The following AKAP6 variants were observed in gnomAD, a reference collection of about 807,000 sequenced individuals.
The protein encoded by AKAP6 is A-kinase anchor protein 6.
AKAP6 carries 58 observed loss-of-function variants against 188.5 expected under a neutral mutation model. The observed-to-expected ratio is 0.31, with a 90% CI of 0.25 to 0.38. The LOEUF (loss-of-function observed/expected upper bound fraction) is 0.38, where lower values mean the gene tolerates loss of function less well. AKAP6 is among the 10% of genes least tolerant of loss of function. The probability of loss-of-function intolerance (pLI) is 1.00; values close to 1 mark genes in which losing one functional copy is unlikely to be tolerated. For missense variants in AKAP6, 2,710 were observed against 2,740.0 expected (o/e 0.99, Z 0.24); for synonymous variants, 989 against 998.6 (o/e 0.99, Z 0.18).
At chr14:32,734,480 A>G (rs1324147475) in intron 10 of AKAP6, 1 of 152,162 alleles carries the variant, frequency 6.6e-6, no homozygotes, top group Non-Finnish European at 1.5e-5. Flanking sequence ...ATTGTGAATT[A>G]AATGAAATTG....
intron 12 of AKAP6, among the ~76,000 whole-genome samples, chr14:32,788,057 AAAAAAG>A (rs1162864566): frequency 1.3e-5 from 2 of 151,788 alleles, no homozygotes; most frequent in African/African-American, 4.8e-5. Context: ...AAAAAAAAAA[AAAAAAG>A]AAGGTGGGAA....
At chr14:32,347,011 C>T (rs1887090526) in intron 1 of AKAP6, among the ~76,000 whole-genome samples, 1 of 152,152 alleles carries the variant, frequency 6.6e-6, no homozygotes, top group South Asian at 2.1e-4. Flanking sequence ...GCAAAGCAGG[C>T]ACAAAATATT....
chr14:32,545,238 T>G lies in AKAP6; in HGVS notation c.585T>G (p.Leu195=), dbSNP rs1184896381. The G allele has an allele frequency of 2.5e-6, 4 of 1,611,628 alleles. No individual in the cohort carries two copies. Among genetic ancestry groups the G allele is most frequent in the African/African-American group, 2.7e-5 (2 of 75,014 alleles). ...AFSEETKEGR[L]DSLTEVDDSG... The stretch of plus-strand genomic sequence containing the variant: ...GCCATTGTCTGTTTCAGGGCCGGCT[T>G]GATTCTCTAACAGAAGTGGATGACT... The change falls in exon 4 of 14, where the codon CTT becomes CTG. Residue 195 remains leucine, a synonymous_variant. Coordinates refer to ENST00000280979, the MANE Select transcript of AKAP6 (RefSeq NM_004274.5).
At chr14:32,652,719 A>G (rs1328833791) in intron 7 of AKAP6, among the ~76,000 whole-genome samples, 1 of 152,010 alleles carries the variant, frequency 6.6e-6, no homozygotes, top group Non-Finnish European at 1.5e-5. Flanking sequence ...CTGAGTTGCT[A>G]TTTTCTTCCC....
chr14:32,704,496 A>G (rs1289916854), intron 9 of AKAP6, among the ~76,000 whole-genome samples: 1 of 152,156 alleles, frequency 6.6e-6, no homozygotes, highest in Non-Finnish European at 1.5e-5. Context: ...AACTATGTAT[A>G]TGTTTCAGGT....
intron 9 of AKAP6, chr14:32,726,337 T>A (rs972613662): frequency 6.0e-5 from 24 of 397,004 alleles, no homozygotes; most frequent in Non-Finnish European, 2.7e-5. Flanking sequence ...GGTTGCTTGG[T>A]TGAAACTAAT....
intron 7 of AKAP6, among the ~76,000 whole-genome samples, chr14:32,673,001 G>T (rs1889277853): frequency 6.6e-6 from 1 of 152,122 alleles, no homozygotes; most frequent in African/African-American, 2.4e-5. Flanking sequence ...TTCTAACCTG[G>T]CATCCTCCAT....
chr14:32,366,079 C>T (rs1405374006), intron 1 of AKAP6, among the ~76,000 whole-genome samples: 1 of 152,094 alleles, frequency 6.6e-6, no homozygotes, highest in Admixed American at 6.5e-5. Flanking sequence ...ATAAGCAAAA[C>T]CACACACATT....
intron 1 of AKAP6, among the ~76,000 whole-genome samples, chr14:32,411,464 C>A (rs1212989748): frequency 6.6e-6 from 1 of 152,156 alleles, no homozygotes; most frequent in African/African-American, 2.4e-5. Context: ...CTGCCTTCAA[C>A]ATTGGTATCC....
intron 1 of AKAP6, among the ~76,000 whole-genome samples, chr14:32,410,152 T>TCC (rs398070462): frequency 7.5e-5 from 11 of 146,608 alleles, no homozygotes; most frequent in South Asian, 6.5e-4. Flanking sequence ...CTTCCCCTCC[T>TCC]TTTTTTTTCT....
intron 8 of AKAP6, among the ~76,000 whole-genome samples, chr14:32,689,897 A>G (rs1890097985): frequency 1.3e-5 from 2 of 152,232 alleles, no homozygotes; most frequent in South Asian, 4.1e-4. Flanking sequence ...TGAACAGCGA[A>G]CACTTAGTGA....
chr14:32,678,303 C>G lies in AKAP6; in HGVS notation c.2731-8C>G, dbSNP rs1316417948. On this transcript the variant is annotated splice_polypyrimidine_tract_variant and splice_region_variant and intron_variant, in intron 7 of 13. Transcript: ENST00000280979. The stretch of plus-strand genomic sequence containing the variant: ...AAAACAGCAATTTCTCTTTGTTTCT[C>G]TTTCCAGGCTGAGGTTCAACTATGC... 1 of 1,603,752 alleles carries G rather than the reference C, an allele frequency of 6.2e-7. No individual in the cohort carries two copies. Among genetic ancestry groups the G allele is most frequent in the Non-Finnish European group, 8.5e-7 (1 of 1,172,470 alleles).
intron 9 of AKAP6, among the ~76,000 whole-genome samples, chr14:32,709,369 T>G (rs1359297121): frequency 2.0e-5 from 3 of 152,078 alleles, no homozygotes; most frequent in East Asian, 3.9e-4. Context: ...CTGTCCACAC[T>G]GCTGCTCAGA....
intron 7 of AKAP6, among the ~76,000 whole-genome samples, chr14:32,624,061 TCTAA>T (rs1164515178): frequency 2.0e-5 from 3 of 152,096 alleles, no homozygotes; most frequent in East Asian, 3.9e-4. Context: ...TGGCCTCCTA[TCTAA>T]CTATTATGAT....
chr14:32,786,296 A>ATGTTTTTTTTTTTTTG lies in AKAP6; in HGVS notation c.3588+12404_3588+12405insGTTTTTTTTTTTTTGT. ...AGCCCTCTGAAAGACCTAAACCTTT[A>ATGTTTTTTTTTTTTTG]TCTTTTTTTTTTTTTTTTTTTTTTT... On this transcript the variant is annotated intron_variant, in intron 12 of 13. Transcript: ENST00000280979. 9.1e-4 allele frequency among the ~76,000 whole-genome samples: 85 copies of ATGTTTTTTTTTTTTTG among 93,706 alleles called. 4 individuals are homozygous for ATGTTTTTTTTTTTTTG. Among genetic ancestry groups the ATGTTTTTTTTTTTTTG allele is most frequent in the African/African-American group, 1.6e-3 (39 of 24,388 alleles). The allele number at this position is 93,706 out of a possible 152,430, so 61.5% of individuals were successfully genotyped here. A position where few individuals can be genotyped will look rare whatever the true frequency, so the allele number is the denominator to read the frequency against.
chr14:32,732,389 T>G (rs2031216360), intron 9 of AKAP6, 65 bp from the exon 10 acceptor site: 5 of 1,530,308 alleles, frequency 3.3e-6, no homozygotes, highest in Non-Finnish European at 4.4e-6. Context: ...ACAAATTCTG[T>G]GTTCAATGAT....
At chr14:32,696,493 G>T (rs553001614) in intron 9 of AKAP6, among the ~76,000 whole-genome samples, 1 of 152,312 alleles carries the variant, frequency 6.6e-6, no homozygotes, top group South Asian at 2.1e-4. Flanking sequence ...CTACCCCTCA[G>T]ATCTTCCCAG....
intron 2 of AKAP6, among the ~76,000 whole-genome samples, chr14:32,504,532 G>A (rs149215058): frequency 1.1e-4 from 16 of 152,064 alleles, no homozygotes; most frequent in Admixed American, 2.0e-4. Context: ...TCCCCACCTC[G>A]GCCTCCCAGG....
chr14:32,780,293 C>T (rs978252119), intron 12 of AKAP6, among the ~76,000 whole-genome samples: 1 of 150,466 alleles, frequency 6.6e-6, no homozygotes, highest in Admixed American at 6.6e-5. Context: ...ATAAACCAGA[C>T]ACAGAAAGAA....
Sources: allele counts gnomAD v4.1 joint callset (sites outside exome capture counted in the v4.1 genomes callset), GRCh38; gene constraint gnomAD v4.1.1; transcripts MANE v1.5; gene names NCBI Gene and HGNC (gene_info 2026-07-23, HGNC 2026-07-21).